SPIDR: variants seen among roughly 807,000 people sequenced by gnomAD.
SPIDR encodes DNA repair-scaffolding protein.
SPIDR carries 93 observed loss-of-function variants against 104.6 expected under a neutral mutation model. That is an observed-to-expected ratio of 0.89 (90% CI 0.75 to 1.06). The LOEUF (loss-of-function observed/expected upper bound fraction) is 1.06. Ranked by LOEUF, SPIDR falls within the 50% of genes least tolerant of loss-of-function variation. SPIDR has a pLI of 0.00. For synonymous variants in SPIDR, 431 were observed against 416.9 expected, an observed-to-expected ratio of 1.03 and a Z score of -0.41; for missense variants, 1,154 against 1,111.2, an observed-to-expected ratio of 1.04 and a Z score of -0.55.
intron 8 of SPIDR, among the ~76,000 whole-genome samples, chr8:47,478,876 T>C (rs1362743592): frequency 6.6e-6 from 1 of 152,188 alleles, no homozygotes; most frequent in Non-Finnish European, 1.5e-5. Context: ...ATAACTTTGA[T>C]TTCTGAGGAA....
chr8:47,643,466 A>G lies in SPIDR; in HGVS notation c.1545-30335A>G, dbSNP rs1459428876. Among the ~76,000 whole-genome samples the G allele has an allele frequency of 2.0e-5, 3 of 152,228 alleles. No individual in the cohort carries two copies. The East Asian group carries it at 5.8e-4, about 29-fold the overall frequency. On this transcript the variant is annotated intron_variant, in intron 10 of 19. Transcript: ENST00000297423. ...CATGCTCAAACAATCCTCCCACCTC[A>G]GCCTCCAGAGTAGCTGGGACTTAAG...
At chr8:47,685,501 A>ATTTTTTT (rs1326028640) in intron 11 of SPIDR, among the ~76,000 whole-genome samples, 58 of 110,268 alleles carry the variant, frequency 5.3e-4, no homozygotes, top group Non-Finnish European at 8.9e-4. Context: ...TTATTTATTT[A>ATTTTTTT]TTTATTTATT....
intron 5 of SPIDR, among the ~76,000 whole-genome samples, chr8:47,337,114 G>A (rs527694898): frequency 4.6e-5 from 7 of 152,180 alleles, no homozygotes; most frequent in African/African-American, 1.7e-4. Flanking sequence ...TGGCTTGTGT[G>A]TGTGTGTTTT....
intron 1 of SPIDR, chr8:47,276,927 T>G (rs1465078860): frequency 4.8e-5 from 6 of 126,220 alleles, no homozygotes; most frequent in African/African-American, 2.2e-4. Flanking sequence ...TTCCTCAGCC[T>G]TTTTTTTTTT....
intron 7 of SPIDR, among the ~76,000 whole-genome samples, chr8:47,420,129 G>C (rs150609409): frequency 0.054 from 8,286 of 152,212 alleles, 319 homozygotes; most frequent in Non-Finnish European, 0.084. Context: ...TGTCTATTAG[G>C]TCCACTTGGT....
At chr8:47,630,520 G>C (rs1253833415) in intron 10 of SPIDR, among the ~76,000 whole-genome samples, 1 of 152,166 alleles carries the variant, frequency 6.6e-6, no homozygotes, top group East Asian at 1.9e-4. Context: ...TGTGTGAAGT[G>C]CTTTGCCCTA....
intron 10 of SPIDR, among the ~76,000 whole-genome samples, chr8:47,617,638 T>A (rs945965119): frequency 1.3e-5 from 2 of 152,208 alleles, no homozygotes; most frequent in African/African-American, 4.8e-5. Flanking sequence ...TAAGAGATGT[T>A]GTTCCATTAA....
intron 10 of SPIDR, among the ~76,000 whole-genome samples, chr8:47,652,135 G>T: frequency 6.6e-6 from 1 of 152,192 alleles, no homozygotes; most frequent in Admixed American, 6.5e-5. Context: ...ATAAATAAGG[G>T]TCAGAAATTA....
chr8:47,555,765 G>A (rs1224898389), intron 8 of SPIDR, among the ~76,000 whole-genome samples: 2 of 152,170 alleles, frequency 1.3e-5, no homozygotes, highest in African/African-American at 4.8e-5. Flanking sequence ...GAGGGGATGG[G>A]TATCAAGCCA....
intron 6 of SPIDR, among the ~76,000 whole-genome samples, chr8:47,405,285 A>C (rs1302496103): frequency 4.1e-5 from 6 of 147,208 alleles, no homozygotes; most frequent in Admixed American, 4.0e-4. Context: ...GCACACCAAC[A>C]TGGCACGTGT....
intron 8 of SPIDR, among the ~76,000 whole-genome samples, chr8:47,489,592 C>G (rs1179131791): frequency 6.6e-6 from 1 of 152,236 alleles, no homozygotes; most frequent in East Asian, 1.9e-4. Flanking sequence ...CACTATTTGA[C>G]TTTAAACTAT....
chr8:47,440,567 C>T, intron 8 of SPIDR, 25 bp downstream of exon 8: 1 of 1,586,372 alleles, frequency 6.3e-7, no homozygotes, highest in Non-Finnish European at 8.6e-7. Flanking sequence ...CTTAATCCAG[C>T]AGTCACCAAC....
chr8:47,508,284 T>C (rs2081788604), intron 8 of SPIDR, among the ~76,000 whole-genome samples: 1 of 152,172 alleles, frequency 6.6e-6, no homozygotes, highest in Non-Finnish European at 1.5e-5. Context: ...GTTTTCCTGC[T>C]ATTGGGATAG....
intron 5 of SPIDR, among the ~76,000 whole-genome samples, chr8:47,302,464 C>T (rs2042272402): frequency 2.6e-5 from 4 of 152,162 alleles, no homozygotes; most frequent in Non-Finnish European, 4.4e-5. Flanking sequence ...CACTCTCCGT[C>T]CAGCTTTGTT....
chr8:47,562,646 C>T (rs1343134955), intron 8 of SPIDR, among the ~76,000 whole-genome samples: 3 of 152,194 alleles, frequency 2.0e-5, no homozygotes, highest in Non-Finnish European at 4.4e-5. Context: ...GAAGACTGCG[C>T]GCAGTCCAGA....
At chr8:47,268,079 G>T (rs1336406846) in intron 1 of SPIDR, among the ~76,000 whole-genome samples, 1 of 152,114 alleles carries the variant, frequency 6.6e-6, no homozygotes, top group African/African-American at 2.4e-5. Context: ...AACACTGTTT[G>T]TTGAAAAAAT....
intron 8 of SPIDR, among the ~76,000 whole-genome samples, chr8:47,454,364 A>G (rs2072518163): frequency 2.6e-5 from 4 of 152,138 alleles, no homozygotes; most frequent in Admixed American, 1.3e-4. Context: ...ATTCTCAGCA[A>G]ACTATCACAG....
At position 47,515,338 on chromosome 8, in the gene SPIDR, G is replaced by T. The variant is rs184707678; in HGVS notation, c.1097+74796G>T. ...GATTGTTCTCTGCTTTTTTAAGTGT[G>T]TGTTCTCCAAACACTTAGCAAAGAA... On this transcript the variant is annotated intron_variant, in intron 8 of 19. Transcript: ENST00000297423. 5.9e-5 allele frequency among the ~76,000 whole-genome samples: 9 copies of T among 152,278 alleles called. No homozygotes were observed. In the East Asian group the frequency reaches 1.4e-3, roughly 23 times the overall value.
At chr8:47,700,137 C>G (rs561930608) in intron 11 of SPIDR, among the ~76,000 whole-genome samples, 1 of 152,248 alleles carries the variant, frequency 6.6e-6, no homozygotes, top group South Asian at 2.1e-4. Context: ...TAAGTATTTT[C>G]TTTGTAACCA....
Sources: allele counts gnomAD v4.1 joint callset (sites outside exome capture counted in the v4.1 genomes callset), GRCh38; gene constraint gnomAD v4.1.1; transcripts MANE v1.5; gene names NCBI Gene and HGNC (gene_info 2026-07-23, HGNC 2026-07-21).